Variants in SLCO3A1 observed in about 807,000 individuals in gnomAD.
The protein encoded by SLCO3A1 is solute carrier organic anion transporter family member 3A1, also known as PGE1 transporter.
Under a neutral mutation model 63.1 loss-of-function variants are expected in SLCO3A1, and 27 were observed. The observed-to-expected ratio is 0.43, with a 90% CI of 0.32 to 0.59. The LOEUF is 0.59. SLCO3A1 is among the 20% of genes least tolerant of loss of function. SLCO3A1 has a pLI of 0.09. For synonymous variants in SLCO3A1, 473 were observed against 409.9 expected, an observed-to-expected ratio of 1.15 and a Z score of -1.86; for missense variants, 773 against 945.8, an observed-to-expected ratio of 0.82 and a Z score of 2.40.
At chr15:91,866,906 C>T (rs1024616860) in intron 1 of SLCO3A1, among the ~76,000 whole-genome samples, 1 of 151,980 alleles carries the variant, frequency 6.6e-6, no homozygotes, top group African/African-American at 2.4e-5. Context: ...GTAGACTGGT[C>T]GGAGATATAA....
At chr15:92,094,245 G>A (rs1044180660) in intron 2 of SLCO3A1, among the ~76,000 whole-genome samples, 6 of 152,164 alleles carry the variant, frequency 3.9e-5, no homozygotes, top group African/African-American at 1.4e-4. Context: ...CTGAACAGCT[G>A]TTACAAGCAG....
intron 7 of SLCO3A1, among the ~76,000 whole-genome samples, chr15:92,144,285 G>A (rs1170590444): frequency 6.6e-6 from 1 of 152,202 alleles, no homozygotes; most frequent in Non-Finnish European, 1.5e-5. Flanking sequence ...AGAAATGAGA[G>A]CATCTCAGAG....
At chr15:91,908,142 C>A (rs1898370591) in intron 1 of SLCO3A1, among the ~76,000 whole-genome samples, 1 of 152,036 alleles carries the variant, frequency 6.6e-6, no homozygotes, top group Non-Finnish European at 1.5e-5. Context: ...TGTTAAGTGC[C>A]TTGTCTCATA....
chr15:92,104,162 A>G (rs1418369676), intron 3 of SLCO3A1, 117 bp from the exon 4 acceptor site: 22 of 1,205,090 alleles, frequency 1.8e-5, no homozygotes, highest in Non-Finnish European at 2.5e-5. Flanking sequence ...AGTGTTCCCG[A>G]CCGCAAGTCA....
chr15:92,047,581 T>TATATAAATATATA lies in SLCO3A1; in HGVS notation c.647-47299_647-47298insTATAAATATATAA, dbSNP rs2046900461. On this transcript the variant is annotated intron_variant, in intron 2 of 9. Coordinates refer to ENST00000318445, the MANE Select transcript of SLCO3A1 (RefSeq NM_013272.4). ...ATAAATATATATATAAATATATATA[T>TATATAAATATATA]AATATATATATAATATATAATATAT... is the stretch of plus-strand genomic sequence containing the variant. Among the ~76,000 whole-genome samples, 4 of 8,568 alleles carry TATATAAATATATA rather than the reference T, an allele frequency of 4.7e-4. 1 individual carries two copies. Among genetic ancestry groups the TATATAAATATATA allele is most frequent in the African/African-American group, 7.6e-4 (3 of 3,922 alleles). The allele number at this position is 8,568 out of a possible 152,430, so 5.6% of individuals were successfully genotyped here.
chr15:92,092,832 C>A, intron 2 of SLCO3A1, among the ~76,000 whole-genome samples: 1 of 152,114 alleles, frequency 6.6e-6, no homozygotes, highest in Non-Finnish European at 1.5e-5. Context: ...AGATAATGTG[C>A]TGATCATGTG....
intron 2 of SLCO3A1, among the ~76,000 whole-genome samples, chr15:91,990,245 AT>A (rs2046109711): frequency 6.6e-6 from 1 of 152,200 alleles, no homozygotes; most frequent in Non-Finnish European, 1.5e-5. Context: ...GTTTTGTGAA[AT>A]TGCTTTTAAT....
At chr15:92,079,847 C>T (rs1199931380) in intron 2 of SLCO3A1, among the ~76,000 whole-genome samples, 1 of 152,350 alleles carries the variant, frequency 6.6e-6, no homozygotes, top group Middle Eastern at 3.4e-3. Flanking sequence ...CTGCACTGCC[C>T]CTTGCTGGGG....
chr15:92,047,058 TAA>T (rs1320959721), intron 2 of SLCO3A1, among the ~76,000 whole-genome samples: 1 of 30,190 alleles, frequency 3.3e-5, no homozygotes, highest in African/African-American at 1.4e-4. Context: ...ATATAATATA[TAA>T]ATATATATAC....
At chr15:91,929,756 A>C (rs1404393067) in intron 2 of SLCO3A1, among the ~76,000 whole-genome samples, 1 of 152,122 alleles carries the variant, frequency 6.6e-6, no homozygotes, top group African/African-American at 2.4e-5. Context: ...TATGAATTTG[A>C]CTACTCTAAG....
intron 2 of SLCO3A1, among the ~76,000 whole-genome samples, chr15:91,933,476 T>C (rs1363559478): frequency 6.6e-6 from 1 of 152,232 alleles, no homozygotes; most frequent in African/African-American, 2.4e-5. Flanking sequence ...GCTTCCTTTT[T>C]TGTAATAAAA....
chr15:91,931,153 A>G (rs1468558967), intron 2 of SLCO3A1, among the ~76,000 whole-genome samples: 2 of 152,242 alleles, frequency 1.3e-5, no homozygotes, highest in African/African-American at 4.8e-5. Flanking sequence ...AGTTACTGTT[A>G]GAGAAAAGAA....
intron 2 of SLCO3A1, among the ~76,000 whole-genome samples, chr15:92,028,500 A>T (rs970108216): frequency 4.6e-5 from 7 of 152,144 alleles, no homozygotes; most frequent in African/African-American, 1.7e-4. Flanking sequence ...GGCCCTGGGG[A>T]TACATTTTTA....
intron 2 of SLCO3A1, among the ~76,000 whole-genome samples, chr15:92,041,765 A>T (rs567815012): frequency 1.3e-5 from 2 of 152,334 alleles, no homozygotes; most frequent in South Asian, 2.1e-4. Context: ...ACGAAATACC[A>T]TCTTAGGTAC....
intron 8 of SLCO3A1, 33 bp from the exon 9 acceptor site, chr15:92,150,917 G>T (rs565214233): frequency 1.7e-4 from 233 of 1,381,422 alleles, no homozygotes; most frequent in Middle Eastern, 7.4e-4. Context: ...TAAAAATCTG[G>T]TTTTTTTTTT....
chr15:92,051,223 G>A (rs778163065), intron 2 of SLCO3A1, among the ~76,000 whole-genome samples: 2 of 152,180 alleles, frequency 1.3e-5, no homozygotes, highest in African/African-American at 4.8e-5. Flanking sequence ...CATTTGAGCT[G>A]GAACTTGAAA....
chr15:92,126,597 A>G (rs2047927065), intron 6 of SLCO3A1, among the ~76,000 whole-genome samples: 1 of 152,234 alleles, frequency 6.6e-6, no homozygotes, highest in Non-Finnish European at 1.5e-5. Context: ...TAAAAGACAG[A>G]ATTGATTTGA....
At chr15:91,957,004 A>ATAGTATATATATAC (rs1900219140) in intron 2 of SLCO3A1, among the ~76,000 whole-genome samples, 6 of 14,050 alleles carry the variant, frequency 4.3e-4, no homozygotes, top group Non-Finnish European at 5.7e-4. Context: ...TATATATTAT[A>ATAGTATATATATAC]TATATAATAT....
chr15:91,873,691 C>T (rs1897331908), intron 1 of SLCO3A1, among the ~76,000 whole-genome samples: 1 of 152,142 alleles, frequency 6.6e-6, no homozygotes, highest in African/African-American at 2.4e-5. Context: ...AAAACTGCAA[C>T]CCTACTATCA....
Sources: gnomAD v4.1 joint callset for allele counts (sites outside exome capture counted in the v4.1 genomes callset) on GRCh38, gnomAD v4.1.1 for gene constraint, MANE v1.5 for transcripts, NCBI Gene and HGNC (gene_info 2026-07-23, HGNC 2026-07-21) for gene names.